TENM3: variants seen among roughly 807,000 people sequenced by gnomAD.
TENM3 encodes teneurin-3.
Under a neutral mutation model 255.1 loss-of-function variants are expected in TENM3, and 63 were observed. The ratio of observed to expected loss-of-function variants is 0.25; its 90% CI spans 0.20 to 0.30. The LOEUF is 0.30. Among genes scored for constraint, TENM3 ranks in the 10% least tolerant of loss-of-function variants. The pLI, the probability that TENM3 is intolerant of heterozygous loss-of-function variation, is 1.00. For missense variants in TENM3, 2,929 were observed against 3,461.1 expected, an observed-to-expected ratio of 0.85 and a Z score of 3.86; for synonymous variants, 1,306 against 1,322.3, an observed-to-expected ratio of 0.99 and a Z score of 0.27.
At chr4:181,746,984 G>A in the TENM3 span, among the ~76,000 whole-genome samples, 3 of 151,962 alleles carry the variant, frequency 2.0e-5, no homozygotes, top group Non-Finnish European at 2.9e-5. Context: ...ATATATCTCT[G>A]CATATGTATA....
chr4:181,454,744 T>C, the TENM3 span, among the ~76,000 whole-genome samples: 1 of 137,312 alleles, frequency 7.3e-6, no homozygotes, highest in South Asian at 2.3e-4. Flanking sequence ...TGTGTTACAA[T>C]TGCCTACAGT....
At chr4:181,936,224 T>A in the TENM3 span, among the ~76,000 whole-genome samples, 8 of 152,024 alleles carry the variant, frequency 5.3e-5, no homozygotes, top group Non-Finnish European at 1.2e-4. Flanking sequence ...AAACCCCGTC[T>A]CTACTAAAAA....
intron 4 of TENM3, among the ~76,000 whole-genome samples, chr4:182,605,752 T>G (rs1052420545): frequency 1.3e-5 from 2 of 152,142 alleles, no homozygotes; most frequent in Admixed American, 6.5e-5. Context: ...GAGAGGAGGA[T>G]AATTGAGGAA....
At chr4:182,299,024 T>C (rs1291527672) in intron 1 of TENM3, among the ~76,000 whole-genome samples, 3 of 66,058 alleles carry the variant, frequency 4.5e-5, no homozygotes, top group African/African-American at 9.5e-5. Context: ...AAAGAGGTAA[T>C]GGACTGGCCA....
rs773167086 is a variant in TENM3, at chr4:182,346,697, T to A, written c.279T>A (p.Thr93=). 1.1e-5 allele frequency: 17 copies of A among 1,613,698 alleles called. 1 individual carries two copies. The Admixed American group carries it at 2.2e-4, about 21-fold the overall frequency. ...LRQLGVCEPA[T]RRGLAFCAEM... is the part of the protein sequence containing the mutation. ...AGTTAGGAGTTTGTGAACCAGCAACTCGAAGAGGACTGGCATTTTGTGCGG... is the reference window on the plus strand; with the variant it reads ...AGTTAGGAGTTTGTGAACCAGCAACACGAAGAGGACTGGCATTTTGTGCGG... Residue 93 remains threonine, a synonymous_variant, in exon 3 of 28, where the codon ACT becomes ACA. Coordinates refer to ENST00000511685, the MANE Select transcript of TENM3 (RefSeq NM_001080477.4).
intron 22 of TENM3, among the ~76,000 whole-genome samples, chr4:182,766,170 G>A (rs1015206809): frequency 2.0e-5 from 3 of 152,144 alleles, no homozygotes; most frequent in African/African-American, 4.8e-5. Context: ...AAAAGAGAAG[G>A]AGGGGTTTGT....
At chr4:181,834,732 GAAC>G in the TENM3 span, 1 of 152,252 alleles carries the variant, frequency 6.6e-6, no homozygotes, top group African/African-American at 2.4e-5. Flanking sequence ...TTTGATTGGA[GAAC>G]AACGGCCTCA....
the TENM3 span, among the ~76,000 whole-genome samples, chr4:181,680,881 G>T: frequency 1.2e-4 from 19 of 152,122 alleles, no homozygotes; most frequent in African/African-American, 4.6e-4. Context: ...AAATAATTAT[G>T]TCAACTGTCC....
chr4:182,360,611 G>T lies in TENM3; in HGVS notation c.511+13682G>T, dbSNP rs1232655993. ...CCATCCTTTTATTTTGAGGCTATGT[G>T]TGTCTCTGCATGTGAGATGGGTTTC... is the stretch of plus-strand genomic sequence containing the variant. On this transcript the variant is annotated intron_variant, in intron 3 of 27. Coordinates refer to ENST00000511685, the MANE Select transcript of TENM3 (RefSeq NM_001080477.4). 1.2e-4 allele frequency among the ~76,000 whole-genome samples: 19 copies of T among 152,124 alleles called. 1 individual carries two copies. The highest frequency in any genetic ancestry group is 2.9e-5 in the Non-Finnish European group (2 of 68,040).
chr4:182,324,426 C>A (rs1239431725), intron 2 of TENM3, among the ~76,000 whole-genome samples, 174 bp downstream of exon 2: 3 of 152,242 alleles, frequency 2.0e-5, no homozygotes, highest in African/African-American at 7.2e-5. Flanking sequence ...TAGAAAGCCA[C>A]CGGTGGGCAC....
the TENM3 span, among the ~76,000 whole-genome samples, chr4:182,060,079 A>T: frequency 6.6e-6 from 1 of 152,080 alleles, no homozygotes; most frequent in Non-Finnish European, 1.5e-5. Flanking sequence ...TCTCTATCGA[A>T]AGTACAAAAA....
the TENM3 span, chr4:182,012,909 T>A: frequency 1.3e-5 from 2 of 152,174 alleles, no homozygotes; most frequent in Non-Finnish European, 2.9e-5. Context: ...TTTTGTAAAT[T>A]TTCCTGTAGC....
intron 22 of TENM3, among the ~76,000 whole-genome samples, chr4:182,759,892 T>C (rs879682484): frequency 1.3e-5 from 2 of 152,244 alleles, no homozygotes; most frequent in Non-Finnish European, 2.9e-5. Context: ...AATTATTATG[T>C]CCCTATTGTG....
the TENM3 span, chr4:181,829,973 T>A: frequency 1.6e-3 from 248 of 152,456 alleles, 1 homozygote; most frequent in Admixed American, 1.6e-3. Context: ...TCTTGAGTCA[T>A]GGTCTCGAGG....
chr4:181,552,802 A>G, the TENM3 span, among the ~76,000 whole-genome samples: 1 of 152,360 alleles, frequency 6.6e-6, no homozygotes, highest in African/African-American at 2.4e-5. Flanking sequence ...CAAACTTCGG[A>G]GGTCCCGGAA....
At chr4:182,183,159 G>A (rs1752944421) in intron 1 of TENM3, among the ~76,000 whole-genome samples, 2 of 152,098 alleles carry the variant, frequency 1.3e-5, no homozygotes, top group Non-Finnish European at 2.9e-5. Context: ...AAAATTAAGG[G>A]TGAAATTTGG....
chr4:182,786,000 G>A (rs578238883), intron 24 of TENM3, among the ~76,000 whole-genome samples: 1 of 152,190 alleles, frequency 6.6e-6, no homozygotes, highest in Admixed American at 6.5e-5. Flanking sequence ...CAGTAAGAAT[G>A]GTTAAAGCCT....
At chr4:181,787,486 C>T in the TENM3 span, among the ~76,000 whole-genome samples, 1 of 152,026 alleles carries the variant, frequency 6.6e-6, no homozygotes, top group African/African-American at 2.4e-5. Context: ...TACAGGTGCA[C>T]GCCACCACGC....
the TENM3 span, among the ~76,000 whole-genome samples, chr4:181,604,878 C>G: frequency 1.2e-4 from 18 of 152,168 alleles, no homozygotes; most frequent in African/African-American, 4.1e-4. Context: ...AATCATTTAA[C>G]CTTGCTGCAC....
Sources: gnomAD v4.1 joint callset for allele counts (sites outside exome capture counted in the v4.1 genomes callset) on GRCh38, gnomAD v4.1.1 for gene constraint, MANE v1.5 for transcripts, NCBI Gene and HGNC (gene_info 2026-07-23, HGNC 2026-07-21) for gene names.